PCDHGA2: variants seen among roughly 807,000 people sequenced by gnomAD.
PCDHGA2 encodes the protein protocadherin gamma subfamily A, 2.
In PCDHGA2, 40 loss-of-function variants were observed where a neutral mutation model predicts 59.2. The observed-to-expected ratio is 0.68, with a 90% CI of 0.52 to 0.88. The LOEUF (loss-of-function observed/expected upper bound fraction) is 0.88, where lower values mean the gene tolerates loss of function less well. Ranked by LOEUF, PCDHGA2 falls within the 40% of genes least tolerant of loss-of-function variation. The probability of loss-of-function intolerance (pLI) is 0.00; values close to 1 mark genes in which losing one functional copy is unlikely to be tolerated. For synonymous variants in PCDHGA2, 560 were observed against 526.0 expected (o/e 1.06, Z -0.89); for missense variants, 1,226 against 1,204.0 (o/e 1.02, Z -0.27).
At chr5:141,371,188 T>C (rs1206989931) in intron 1 of PCDHGA2, 1 of 1,614,030 alleles carries the variant, frequency 6.2e-7, no homozygotes. Flanking sequence ...TTAAAAGTGA[T>C]GGCCATTGAC....
intron 1 of PCDHGA2, among the ~76,000 whole-genome samples, chr5:141,354,170 CTA>C (rs1759484226): frequency 6.6e-6 from 1 of 152,180 alleles, no homozygotes; most frequent in African/African-American, 2.4e-5. Context: ...AATCACTAAA[CTA>C]TTATCTGCAC....
chr5:141,375,925 A>G (rs369035619), intron 1 of PCDHGA2: 178 of 1,613,590 alleles, frequency 1.1e-4, no homozygotes, highest in Admixed American at 2.2e-4. Context: ...CCAGCGAGCC[A>G]GGACTTTTCT....
At chr5:141,405,031 C>T (rs760020802) in intron 1 of PCDHGA2, 4 of 1,613,968 alleles carry the variant, frequency 2.5e-6, no homozygotes, top group South Asian at 2.2e-5. Context: ...CCCTCTACCT[C>T]GTTGTGGCTG....
intron 1 of PCDHGA2, among the ~76,000 whole-genome samples, chr5:141,442,612 A>C (rs1180568407): frequency 6.6e-6 from 1 of 152,212 alleles, no homozygotes; most frequent in Non-Finnish European, 1.5e-5. Flanking sequence ...ATCTCAGTAA[A>C]AAGCATTTCT....
chr5:141,428,423 G>C (rs939814279), intron 1 of PCDHGA2: 1 of 440,550 alleles, frequency 2.3e-6, no homozygotes, highest in Non-Finnish European at 4.3e-6. Flanking sequence ...CCTGGTCTCT[G>C]TTCTAAGACT....
intron 1 of PCDHGA2, chr5:141,385,005 C>A (rs754312286): frequency 6.8e-6 from 11 of 1,614,138 alleles, no homozygotes; most frequent in South Asian, 4.4e-5. Context: ...CAGTCTCCTG[C>A]GTCTTCCTAG....
rs762979829 is a variant in PCDHGA2, at chr5:141,432,863, T to A, written c.2425-61944T>A. 1 of 1,614,074 alleles carries A rather than the reference T, an allele frequency of 6.2e-7. No individual in the cohort carries two copies. Among genetic ancestry groups the A allele is most frequent in the East Asian group, 2.2e-5 (1 of 44,886 alleles). On this transcript the variant is annotated intron_variant, in intron 1 of 3. Coordinates refer to ENST00000394576, the MANE Select transcript of PCDHGA2 (RefSeq NM_018915.4). The surrounding 1 kb of genome is among the most constrained non-coding windows in gnomAD (Gnocchi z 6.0). ...GGTGGTAGCGGTGGCCGCGGTCTCCTGCGTCTTCCTGGCCTTCGTCATCTT... is the reference window on the plus strand; with the variant it reads ...GGTGGTAGCGGTGGCCGCGGTCTCCAGCGTCTTCCTGGCCTTCGTCATCTT...
intron 1 of PCDHGA2, among the ~76,000 whole-genome samples, chr5:141,459,880 C>G (rs1240703946): frequency 6.6e-6 from 1 of 152,134 alleles, no homozygotes; most frequent in Non-Finnish European, 1.5e-5. Context: ...TTTAACTGAG[C>G]TGAACGCCTT....
At chr5:141,390,887 T>TGTGA (rs553460991) in intron 1 of PCDHGA2, 1,524 of 151,180 alleles carry the variant, frequency 0.01, 16 homozygotes, top group Non-Finnish European at 0.015. Flanking sequence ...TGTGTGTGTG[T>TGTGA]GAGAGAGATC....
At chr5:141,510,519 C>A (rs182721864) in intron 3 of PCDHGA2, among the ~76,000 whole-genome samples, 1 of 152,260 alleles carries the variant, frequency 6.6e-6, no homozygotes, top group East Asian at 1.9e-4. Context: ...CGTGTCACAG[C>A]CCTGAGAGAA....
At chr5:141,402,882 G>A in intron 1 of PCDHGA2, 1 of 1,479,680 alleles carries the variant, frequency 6.8e-7, no homozygotes, top group South Asian at 1.4e-5. Context: ...TACTTTGCAG[G>A]GTGGAAGAAA....
rs9324852 is a variant in PCDHGA2, at chr5:141,510,333, C to T, written c.2573-614C>T. On this transcript the variant is annotated intron_variant, in intron 3 of 3. Coordinates refer to ENST00000394576, the MANE Select transcript of PCDHGA2 (RefSeq NM_018915.4). ...AGGCTTGGAAGAGCACTCTTCACCC[C>T]CACCCCACACACTTACTAACGGAAC... Among the ~76,000 whole-genome samples the T allele has an allele frequency of 2.4e-3, 367 of 151,698 alleles. 1 individual carries two copies. Among genetic ancestry groups the T allele is most frequent in the African/African-American group, 8.4e-3 (348 of 41,384 alleles).
At chr5:141,393,669 G>A in intron 1 of PCDHGA2, 1 of 1,613,886 alleles carries the variant, frequency 6.2e-7, no homozygotes, top group Non-Finnish European at 8.5e-7. Flanking sequence ...GAAAATTAAT[G>A]AAAAACAAAC....
At chr5:141,365,992 C>T (rs571544765) in intron 1 of PCDHGA2, 10 of 1,614,132 alleles carry the variant, frequency 6.2e-6, no homozygotes, top group Middle Eastern at 1.6e-4. Context: ...TTGTGCTGGA[C>T]CAGAACGACA....
At chr5:141,387,649 G>T (rs1020449158) in intron 1 of PCDHGA2, 13 of 640,184 alleles carry the variant, frequency 2.0e-5, no homozygotes, top group Non-Finnish European at 3.1e-5. Context: ...TGGCCAAAGT[G>T]GAGAGCTTGG....
intron 1 of PCDHGA2, chr5:141,346,131 G>A: frequency 1.2e-6 from 2 of 1,613,962 alleles, no homozygotes; most frequent in Non-Finnish European, 1.7e-6. Flanking sequence ...GGTGGCCGCG[G>A]TCTCCTGCGT....
At chr5:141,364,797 T>C in intron 1 of PCDHGA2, 1 of 1,613,994 alleles carries the variant, frequency 6.2e-7, no homozygotes, top group Non-Finnish European at 8.5e-7. Context: ...GTGCTTCCCT[T>C]CGCGCGGGAT....
At chr5:141,405,188 G>T (rs2094622261) in intron 1 of PCDHGA2, 1 of 1,613,954 alleles carries the variant, frequency 6.2e-7, no homozygotes, top group African/African-American at 1.3e-5. Context: ...TGTAGATGGG[G>T]TTCGAGCTTT....
At position 141,485,675 on chromosome 5, in the gene PCDHGA2, A is replaced by C. The variant is rs1562106929; in HGVS notation, c.2425-9132A>C. 6.2e-7 allele frequency: 1 copy of C among 1,613,068 alleles called. No homozygotes were observed. The highest frequency in any genetic ancestry group is 8.5e-7 in the Non-Finnish European group (1 of 1,179,150). On this transcript the variant is annotated intron_variant, in intron 1 of 3. Coordinates refer to ENST00000394576, the MANE Select transcript of PCDHGA2 (RefSeq NM_018915.4). The surrounding 1 kb of genome is among the most constrained non-coding windows in gnomAD (Gnocchi z 5.7). ...TGCAGATGTGGGGAGCAATTCGATT[A>C]GCAGCTATAGGCTGAGCTCCAATGA...
Sources: allele counts gnomAD v4.1 joint callset (sites outside exome capture counted in the v4.1 genomes callset), GRCh38; gene constraint gnomAD v4.1.1; non-coding constraint Gnocchi (gnomAD v3.1); transcripts MANE v1.5; gene names NCBI Gene and HGNC (gene_info 2026-07-23, HGNC 2026-07-21).